SCOC: variants seen among roughly 807,000 people sequenced by gnomAD.
The protein encoded by SCOC is short coiled-coil protein, also known as short coiled coil protein.
A neutral mutation model predicts 9.9 loss-of-function variants in SCOC; 7 were observed. The ratio of observed to expected loss-of-function variants is 0.71; its 90% CI spans 0.40 to 1.33. The LOEUF (loss-of-function observed/expected upper bound fraction) is 1.33. Among genes scored for constraint, SCOC ranks in the 40% most tolerant of loss-of-function variants. The pLI is 0.01. For synonymous variants in SCOC, 19 were observed against 28.2 expected, an observed-to-expected ratio of 0.67 and a Z score of 1.03; for missense variants, 66 against 89.7, an observed-to-expected ratio of 0.74 and a Z score of 1.07.
chr4:140,285,670 C>T (rs1250490577), intron 1 of SCOC, among the ~76,000 whole-genome samples: 1 of 152,214 alleles, frequency 6.6e-6, no homozygotes, highest in African/African-American at 2.4e-5. Flanking sequence ...TGCAGCATTT[C>T]TCTTGTAATA....
At chr4:140,343,989 T>C (rs1726608915) in intron 2 of SCOC, among the ~76,000 whole-genome samples, 1 of 152,202 alleles carries the variant, frequency 6.6e-6, no homozygotes. Context: ...ATGTCAAAGT[T>C]GCTACGAAAA....
At chr4:140,367,623 C>T (rs567630212) in intron 2 of SCOC, among the ~76,000 whole-genome samples, 1 of 152,278 alleles carries the variant, frequency 6.6e-6, no homozygotes, top group East Asian at 1.9e-4. Context: ...CATGATCCAC[C>T]TGCCTCAGCC....
chr4:140,364,940 A>T (rs1727725348), intron 2 of SCOC, among the ~76,000 whole-genome samples: 1 of 152,156 alleles, frequency 6.6e-6, no homozygotes, highest in Middle Eastern at 3.2e-3. Context: ...CAGGGTACTC[A>T]ATGGAAAGGA....
intron 1 of SCOC, among the ~76,000 whole-genome samples, chr4:140,327,066 C>T (rs903328873): frequency 2.0e-5 from 3 of 152,320 alleles, no homozygotes; most frequent in Non-Finnish European, 4.4e-5. Flanking sequence ...TACATCAGCA[C>T]CATCAAAACT....
chr4:140,311,829 G>C (rs1308875050), intron 1 of SCOC, among the ~76,000 whole-genome samples: 1 of 152,128 alleles, frequency 6.6e-6, no homozygotes, highest in Admixed American at 6.5e-5. Context: ...AAAGATCTTT[G>C]AACAATGCCT....
At chr4:140,315,365 A>G (rs1342985153) in intron 1 of SCOC, among the ~76,000 whole-genome samples, 1 of 152,242 alleles carries the variant, frequency 6.6e-6, no homozygotes, top group African/African-American at 2.4e-5. Context: ...AATTCTCACC[A>G]CAACCCTTTC....
chr4:140,362,300 T>TCCTTCTCCTTCTCC (rs1553941120), intron 2 of SCOC, among the ~76,000 whole-genome samples: 3 of 36,556 alleles, frequency 8.2e-5, no homozygotes, highest in Admixed American at 2.5e-4. Context: ...CTTCTTCTTC[T>TCCTTCTCCTTCTCC]TTTTTTTTTT....
chr4:140,281,043 G>T (rs1731085116), intron 1 of SCOC, among the ~76,000 whole-genome samples: 3 of 152,060 alleles, frequency 2.0e-5, no homozygotes, highest in African/African-American at 7.2e-5. Flanking sequence ...CAAGATTTAT[G>T]CACATTTACT....
intron 1 of SCOC, among the ~76,000 whole-genome samples, chr4:140,266,530 T>A (rs547459303): frequency 6.6e-5 from 10 of 152,236 alleles, no homozygotes; most frequent in African/African-American, 2.4e-4. Context: ...AGGCTCCATT[T>A]CCTAATGCCA....
At chr4:140,285,113 G>A (rs1045312610) in intron 1 of SCOC, 12 of 450,410 alleles carry the variant, frequency 2.7e-5, no homozygotes, top group South Asian at 6.3e-5. Flanking sequence ...TTAGAGAATC[G>A]AGGCAAACTC....
intron 3 of SCOC, among the ~76,000 whole-genome samples, chr4:140,380,106 A>G (rs915784653): frequency 2.0e-5 from 3 of 151,692 alleles, no homozygotes; most frequent in Non-Finnish European, 4.4e-5. Flanking sequence ...TGAGCAGATC[A>G]TGTCACTCAG....
chr4:140,343,660 G>C (rs1474955033), exon 2 of SCOC: 1 of 1,613,646 alleles, frequency 6.2e-7, no homozygotes, highest in Non-Finnish European at 8.5e-7. Context: ...CAGGAAAGAG[G>C]AGGAGGAAGA....
chr4:140,372,016 A>G (rs535902551), upstream of SCOC, among the ~76,000 whole-genome samples: 15 of 152,388 alleles, frequency 9.8e-5, no homozygotes, highest in Admixed American at 7.8e-4. Context: ...CAGTCATAAA[A>G]GGGCAAATTC....
intron 1 of SCOC, among the ~76,000 whole-genome samples, chr4:140,333,622 G>A (rs1732880259): frequency 6.6e-6 from 1 of 152,116 alleles, no homozygotes; most frequent in African/African-American, 2.4e-5. Flanking sequence ...TACATACAAT[G>A]TGTAAAATAA....
chr4:140,279,786 T>A (rs1731059662), intron 1 of SCOC, among the ~76,000 whole-genome samples: 1 of 152,120 alleles, frequency 6.6e-6, no homozygotes, highest in Non-Finnish European at 1.5e-5. Context: ...AACTTATATT[T>A]TTTTCTCTCT....
At chr4:140,327,134 A>C (rs1177303431) in intron 1 of SCOC, among the ~76,000 whole-genome samples, 2 of 152,222 alleles carry the variant, frequency 1.3e-5, no homozygotes, top group Non-Finnish European at 2.9e-5. Flanking sequence ...TGTGATAAAC[A>C]AAATTTAGTT....
chr4:140,274,531 T>G lies in SCOC; in HGVS notation c.-19+17121T>G, dbSNP rs969514117. Among the ~76,000 whole-genome samples the G allele has an allele frequency of 6.6e-5, 10 of 152,286 alleles. No homozygotes were observed. In the East Asian group the frequency reaches 1.2e-3, roughly 18 times the overall value. On this transcript the variant is annotated intron_variant, in intron 1 of 4. Coordinates refer to the SCOC transcript ENST00000394205. The stretch of plus-strand genomic sequence containing the variant: ...AGGTGCCAGTTTCTCTCTCGGCAGG[T>G]GCATCAGCTTCCCAACCTCTTAGGG...
chr4:140,311,326 C>A (rs1342101289), intron 1 of SCOC, among the ~76,000 whole-genome samples: 2 of 152,142 alleles, frequency 1.3e-5, no homozygotes, highest in Admixed American at 6.5e-5. Flanking sequence ...TATCTTCATT[C>A]AATTAACATA....
intron 1 of SCOC, among the ~76,000 whole-genome samples, chr4:140,285,649 T>A (rs891362219): frequency 6.6e-6 from 1 of 152,230 alleles, no homozygotes; most frequent in Non-Finnish European, 1.5e-5. Context: ...CAGGAGATAC[T>A]TAAGTGAGAA....
Sources: gnomAD v4.1 joint callset for allele counts (sites outside exome capture counted in the v4.1 genomes callset) on GRCh38, gnomAD v4.1.1 for gene constraint, MANE v1.5 for transcripts, NCBI Gene and HGNC (gene_info 2026-07-23, HGNC 2026-07-21) for gene names.